The following NRXN2 variants were observed in gnomAD, a reference collection of about 807,000 sequenced individuals.
NRXN2 encodes neurexin-2-beta.
Under a neutral mutation model 128.8 loss-of-function variants are expected in NRXN2, and 29 were observed. That is an observed-to-expected ratio of 0.23 (90% CI 0.17 to 0.31). The LOEUF is 0.31. Among genes scored for constraint, NRXN2 ranks in the 10% least tolerant of loss-of-function variants. The pLI, the probability that NRXN2 is intolerant of heterozygous loss-of-function variation, is 1.00. For synonymous variants in NRXN2, 1,098 were observed against 1,075.2 expected, an observed-to-expected ratio of 1.02 and a Z score of -0.41; for missense variants, 1,881 against 2,452.6, an observed-to-expected ratio of 0.77 and a Z score of 4.92.
chr11:64,692,281 C>T (rs75794741), intron 4 of NRXN2, among the ~76,000 whole-genome samples: 1 of 152,024 alleles, frequency 6.6e-6, no homozygotes, highest in Non-Finnish European at 1.5e-5. Context: ...GGGTTGGGAG[C>T]GCACACTGTG....
chr11:64,685,534 C>A, intron 6 of NRXN2, 112 bp downstream of exon 6: 1 of 1,407,702 alleles, frequency 7.1e-7, no homozygotes. Context: ...CAGAACCACA[C>A]CTCACTGCCC....
chr11:64,693,786 G>C (rs1769786010), intron 3 of NRXN2, among the ~76,000 whole-genome samples: 1 of 152,068 alleles, frequency 6.6e-6, no homozygotes, highest in South Asian at 2.1e-4. Flanking sequence ...AGACAGCAAG[G>C]TCCAAAGAGG....
chr11:64,623,250 T>A lies in NRXN2; in HGVS notation c.3848-172A>T, dbSNP rs2042633132. ...AAGGGGCAGAAAGCCAAAGGGAAAG[T>A]CCTTGTCAGCCACAGCCCCTAGCCC... On this transcript the variant is annotated intron_variant, in intron 20 of 22. Coordinates refer to ENST00000265459, the MANE Select transcript of NRXN2 (RefSeq NM_015080.4). This position sits in a 1 kb window ranked among gnomAD's most constrained non-coding sequence, Gnocchi z 4.9. 2.5e-6 allele frequency: 3 copies of A among 1,180,594 alleles called. No homozygotes were observed. The highest frequency in any genetic ancestry group is 3.2e-5 in the South Asian group (2 of 61,894). 73.1% of individuals were successfully genotyped at this position (1,180,594 alleles called of 1,614,324 possible).
intron 22 of NRXN2, among the ~76,000 whole-genome samples, chr11:64,608,317 T>G (rs2040042731): frequency 6.6e-6 from 1 of 152,200 alleles, no homozygotes; most frequent in Non-Finnish European, 1.5e-5. Flanking sequence ...CTCTGGGTTT[T>G]GGTCTTTTGT....
rs1020578538 is a variant in NRXN2 at position 64,607,483 on chromosome 11, C to G, written c.4852G>C (p.Gly1618Arg). The G allele has an allele frequency of 6.2e-7, 1 of 1,605,394 alleles. No individual in the cohort carries two copies. Among genetic ancestry groups the G allele is most frequent in the East Asian group, 2.2e-5 (1 of 44,780 alleles). Residue 1618 changes from glycine to arginine, a missense_variant, in exon 23 of 23, where the codon GGG (glycine) becomes CGG (arginine). Transcript: ENST00000265459. ...HLPTANPTGP[G>R]ERGPPGAVEV... ...ACTGCGCCCGGCGGGCCCCGCTCCCCAGGCCCTGTGGGGTTGGCTGTGGGC... is the reference window on the plus strand; with the variant it reads ...ACTGCGCCCGGCGGGCCCCGCTCCCGAGGCCCTGTGGGGTTGGCTGTGGGC...
chr11:64,677,763 T>C (rs1180997697), intron 6 of NRXN2, among the ~76,000 whole-genome samples: 1 of 152,096 alleles, frequency 6.6e-6, no homozygotes, highest in Non-Finnish European at 1.5e-5. Flanking sequence ...GCCATGGACT[T>C]ATGGGTTTGT....
intron 2 of NRXN2, among the ~76,000 whole-genome samples, chr11:64,705,770 C>T (rs2056180918): frequency 6.6e-6 from 1 of 151,210 alleles, no homozygotes; most frequent in African/African-American, 2.4e-5. Flanking sequence ...TGGCATTCCC[C>T]TCTCCTCTCA....
At position 64,651,984 on chromosome 11, in the gene NRXN2, A is replaced by G. The variant is rs3887649; in HGVS notation, c.2536+51T>C. The G allele has an allele frequency of 6.2e-7, 1 of 1,604,124 alleles. No homozygotes were observed. The highest frequency in any genetic ancestry group is 2.2e-5 in the East Asian group (1 of 44,874). ...AGTAGTCACCAAGTAGAACAGGGCC[A>G]AGCATAGGTCACTGGAGATGTGTCC... On this transcript the variant is annotated intron_variant, in intron 13 of 22. Coordinates refer to ENST00000265459, the MANE Select transcript of NRXN2 (RefSeq NM_015080.4). The surrounding 1 kb of genome is among the most constrained non-coding windows in gnomAD (Gnocchi z 5.9).
At position 64,691,805 on chromosome 11, in the gene NRXN2, C is replaced by T. The variant is rs144127679; in HGVS notation, c.778+1042G>A. On this transcript the variant is annotated intron_variant, in intron 4 of 22. Transcript: ENST00000265459. ...ACTCCAAGGCCTCTACCTCCCCAGACCTAAATCCATCCCAAATTTCATATC... is the reference window on the plus strand; with the variant it reads ...ACTCCAAGGCCTCTACCTCCCCAGATCTAAATCCATCCCAAATTTCATATC... 2.4e-3 allele frequency among the ~76,000 whole-genome samples: 369 copies of T among 152,326 alleles called. 1 individual carries two copies. Among genetic ancestry groups the T allele is most frequent in the African/African-American group, 8.4e-3 (348 of 41,572 alleles).
chr11:64,708,377 C>T (rs564787174), intron 2 of NRXN2, among the ~76,000 whole-genome samples: 10 of 152,322 alleles, frequency 6.6e-5, no homozygotes, highest in Admixed American at 5.2e-4. Flanking sequence ...CACACACATG[C>T]CTGCACATCC....
intron 17 of NRXN2, among the ~76,000 whole-genome samples, chr11:64,636,249 C>T (rs2044697315): frequency 6.6e-6 from 1 of 152,074 alleles, no homozygotes; most frequent in African/African-American, 2.4e-5. Flanking sequence ...CTCTCCCAGC[C>T]CTCCCCTACC....
At chr11:64,673,342 C>T (rs943064867) in intron 7 of NRXN2, among the ~76,000 whole-genome samples, 4 of 152,118 alleles carry the variant, frequency 2.6e-5, no homozygotes, top group Admixed American at 1.3e-4. Flanking sequence ...GCTTTATATC[C>T]ACCCTCTCCC....
chr11:64,685,070 T>G (rs927984815), intron 6 of NRXN2, among the ~76,000 whole-genome samples: 2 of 151,994 alleles, frequency 1.3e-5, no homozygotes, highest in African/African-American at 4.8e-5. Context: ...ACCTACCTAC[T>G]ATGCCACCAC....
In NRXN2 at chr11:64,623,155, G is replaced by T; in HGVS notation, c.3848-77C>A. 2.6e-6 allele frequency: 4 copies of T among 1,515,232 alleles called. No homozygotes were observed. The highest frequency in any genetic ancestry group is 2.7e-6 in the Non-Finnish European group (3 of 1,128,114). 93.9% of individuals were successfully genotyped at this position (1,515,232 alleles called of 1,614,324 possible). A position where few individuals can be genotyped will look rare whatever the true frequency, so the allele number is the denominator to read the frequency against. ...CCAGGAAGGGAAGGAAGAAAAGAAG[G>T]AAGCCAAGGAGAGGAAAGAGGAATG... On this transcript the variant is annotated intron_variant, in intron 20 of 22. Transcript: ENST00000265459. This position sits in a 1 kb window ranked among gnomAD's most constrained non-coding sequence, Gnocchi z 4.9.
Position 64,622,643 on chromosome 11 carries a change from C to G in NRXN2, c.4173+110G>C. The G allele has an allele frequency of 6.8e-7, 1 of 1,462,714 alleles. No homozygotes were observed. The highest frequency in any genetic ancestry group is 1.3e-5 in the South Asian group (1 of 77,672). The allele number at this position is 1,462,714 out of a possible 1,614,324, so 90.6% of individuals were successfully genotyped here. On this transcript the variant is annotated intron_variant, in intron 21 of 22. Coordinates refer to ENST00000265459, the MANE Select transcript of NRXN2 (RefSeq NM_015080.4). This position sits in a 1 kb window ranked among gnomAD's most constrained non-coding sequence, Gnocchi z 4.3. ...TCAGCGACAGCAGCCTTCAGGATCCCAACAGACCCCTTGGACCCTCACTCT... is the reference window on the plus strand; with the variant it reads ...TCAGCGACAGCAGCCTTCAGGATCCGAACAGACCCCTTGGACCCTCACTCT...
chr11:64,709,190 C>CAAAA (rs112450142), intron 2 of NRXN2, among the ~76,000 whole-genome samples: 3 of 83,442 alleles, frequency 3.6e-5, no homozygotes, highest in African/African-American at 8.3e-5. Flanking sequence ...GACTCCATCT[C>CAAAA]AAAAAAAAAA....
intron 5 of NRXN2, among the ~76,000 whole-genome samples, chr11:64,686,310 A>G (rs1276242361): frequency 6.6e-6 from 1 of 152,128 alleles, no homozygotes; most frequent in Non-Finnish European, 1.5e-5. Context: ...AGGGACATAG[A>G]AGGGAAATAA....
chr11:64,718,627 G>A (rs189446752), intron 1 of NRXN2, among the ~76,000 whole-genome samples: 3 of 152,294 alleles, frequency 2.0e-5, no homozygotes, highest in Admixed American at 6.5e-5. Flanking sequence ...AGGTGAGACC[G>A]GATGACTGCT....
At chr11:64,715,752 G>C (rs886490449) in intron 1 of NRXN2, among the ~76,000 whole-genome samples, 1 of 152,156 alleles carries the variant, frequency 6.6e-6, no homozygotes, top group Non-Finnish European at 1.5e-5. Flanking sequence ...GCCTCTGCCC[G>C]GGCAGTGGGG....
Sources: gnomAD v4.1 joint callset for allele counts (sites outside exome capture counted in the v4.1 genomes callset) on GRCh38, gnomAD v4.1.1 for gene constraint, Gnocchi (gnomAD v3.1) non-coding constraint, MANE v1.5 for transcripts, NCBI Gene and HGNC (gene_info 2026-07-23, HGNC 2026-07-21) for gene names.